Variants in LUC7L2 observed in about 807,000 individuals in gnomAD.
The protein encoded by LUC7L2 is putative RNA-binding protein Luc7-like 2.
A neutral mutation model predicts 52.8 loss-of-function variants in LUC7L2; 25 were observed. The observed-to-expected ratio is 0.47, with a 90% CI of 0.34 to 0.66. The LOEUF (loss-of-function observed/expected upper bound fraction) is 0.66, where lower values mean the gene tolerates loss of function less well. LUC7L2 is among the 30% of genes least tolerant of loss of function. The probability of loss-of-function intolerance (pLI) is 0.01; values close to 1 mark genes in which losing one functional copy is unlikely to be tolerated. For synonymous variants in LUC7L2, 144 were observed against 160.9 expected (o/e 0.89, Z 0.80); for missense variants, 328 against 497.8 (o/e 0.66, Z 3.25).
intron 4 of LUC7L2, 26 bp from the exon 5 acceptor site, chr7:139,405,618 T>C (rs1389487840): frequency 1.9e-6 from 3 of 1,570,232 alleles, no homozygotes; most frequent in Non-Finnish European, 1.7e-6. Context: ...TGTTTATTCA[T>C]GATCTTCTTT....
Position 139,398,700 on chromosome 7 carries a change from ATG to A in LUC7L2, c.255+6_255+7del, listed in dbSNP as rs1162605176. On this transcript the variant is annotated splice_donor_5th_base_variant and intron_variant, in intron 3 of 9. Coordinates refer to ENST00000354926, the MANE Select transcript of LUC7L2 (RefSeq NM_016019.5). ...AAGATTTTTTCTTTGAACTTGATGT[ATG>A]TGATTTTGCTTTAATGGTTTGTTGT... 6.2e-7 allele frequency: 1 copy of A among 1,608,828 alleles called. No homozygotes were observed. The highest frequency in any genetic ancestry group is 8.5e-7 in the Non-Finnish European group (1 of 1,178,452).
At chr7:139,341,187 G>GT (rs879012106) in intron 1 of LUC7L2, 11 of 938,104 alleles carry the variant, frequency 1.2e-5, no homozygotes, top group South Asian at 8.8e-5. Context: ...GTCGGGTTTC[G>GT]TTTGATTTTG....
At chr7:139,393,823 CAG>C (rs1794548797) in intron 2 of LUC7L2, among the ~76,000 whole-genome samples, 2 of 152,122 alleles carry the variant, frequency 1.3e-5, no homozygotes, top group Non-Finnish European at 1.5e-5. Flanking sequence ...ATGGTATGGA[CAG>C]AGGAATATAG....
chr7:139,357,212 A>G (rs1453522151), upstream of LUC7L2, among the ~76,000 whole-genome samples: 6 of 152,220 alleles, frequency 3.9e-5, no homozygotes, highest in Non-Finnish European at 7.4e-5. Context: ...AAAATCAGGC[A>G]GGAAAGGAGA....
chr7:139,376,420 T>C (rs966955559), intron 2 of LUC7L2, among the ~76,000 whole-genome samples: 1 of 152,244 alleles, frequency 6.6e-6, no homozygotes, highest in Non-Finnish European at 1.5e-5. Context: ...GAAGTAGTTA[T>C]ATAGCATTTG....
chr7:139,364,934 A>T (rs548449636), intron 1 of LUC7L2, among the ~76,000 whole-genome samples: 1 of 152,250 alleles, frequency 6.6e-6, no homozygotes, highest in South Asian at 2.1e-4. Context: ...TGGATTGTTC[A>T]TTTTAAGTGA....
intron 5 of LUC7L2, among the ~76,000 whole-genome samples, 180 bp from the exon 6 acceptor site, chr7:139,406,993 CT>C (rs1250221361): frequency 1.2e-5 from 1 of 83,762 alleles, no homozygotes; most frequent in Non-Finnish European, 2.0e-5. Flanking sequence ...AATAGCCATG[CT>C]TTTGTGGTTT....
At chr7:139,373,821 C>G (rs1267705711) in intron 1 of LUC7L2, among the ~76,000 whole-genome samples, 1 of 152,198 alleles carries the variant, frequency 6.6e-6, no homozygotes, top group Non-Finnish European at 1.5e-5. Flanking sequence ...ATTAGTTTAA[C>G]AAAGCACTGA....
At chr7:139,350,843 A>ATT (rs1357457714) in intron 1 of LUC7L2, among the ~76,000 whole-genome samples, 1 of 151,500 alleles carries the variant, frequency 6.6e-6, no homozygotes, top group African/African-American at 2.4e-5. Flanking sequence ...CGCCTGGCTA[A>ATT]TTTTGTATTT....
At chr7:139,370,467 G>A (rs1225863116) in intron 1 of LUC7L2, among the ~76,000 whole-genome samples, 1 of 152,086 alleles carries the variant, frequency 6.6e-6, no homozygotes, top group Non-Finnish European at 1.5e-5. Context: ...TTTTTTGTTT[G>A]TTTGGTTTGA....
Position 139,375,953 on chromosome 7 carries a change from T to G in LUC7L2, c.62-109T>G. 7.1e-6 allele frequency: 8 copies of G among 1,125,122 alleles called. No homozygotes were observed. In the South Asian group the frequency reaches 1.2e-4, roughly 17 times the overall value. 69.7% of individuals were successfully genotyped at this position (1,125,122 alleles called of 1,614,324 possible). On this transcript the variant is annotated intron_variant, in intron 1 of 9. Transcript: ENST00000354926. Reference sequence around the variant, plus strand: ...AAAAACTAATCCCTCTTGAGCTGATTTATAATGTGTGTATATAGCCACACA... The same window carrying G: ...AAAAACTAATCCCTCTTGAGCTGATGTATAATGTGTGTATATAGCCACACA...
In LUC7L2 at chr7:139,402,259, A is replaced by G; in HGVS notation, c.366+12A>G. The G allele has an allele frequency of 6.3e-7, 1 of 1,583,020 alleles. No individual in the cohort carries two copies. The highest frequency in any genetic ancestry group is 8.6e-7 in the Non-Finnish European group (1 of 1,169,318). On this transcript the variant is annotated intron_variant, in intron 4 of 9. Transcript: ENST00000354926. ...AAGTAGCAGCAAAGGTAAGAATTTT[A>G]ATCATTTCATTAGTACAAAGTATTA... is the stretch of plus-strand genomic sequence containing the variant.
intron 5 of LUC7L2, among the ~76,000 whole-genome samples, chr7:139,406,818 GTTTTA>G (rs1383946396): frequency 1.3e-5 from 2 of 151,908 alleles, no homozygotes; most frequent in African/African-American, 4.8e-5. Context: ...TAGCTGGTCA[GTTTTA>G]TTTTGTTTTT....
At chr7:139,406,713 C>A (rs1016142605) in intron 5 of LUC7L2, among the ~76,000 whole-genome samples, 1 of 151,944 alleles carries the variant, frequency 6.6e-6, no homozygotes, top group Non-Finnish European at 1.5e-5. Flanking sequence ...TTCAGAAAAT[C>A]TCTCTAAGTT....
chr7:139,423,137 TGAAA>T lies in LUC7L2; in HGVS notation c.*802_*805del, dbSNP rs746573066. 8 of 398,880 alleles carry T rather than the reference TGAAA, an allele frequency of 2.0e-5. No homozygotes were observed. The highest frequency in any genetic ancestry group is 6.2e-5 in the African/African-American group (3 of 48,616). 24.7% of individuals were successfully genotyped at this position (398,880 alleles called of 1,614,324 possible). On this transcript the variant is annotated 3_prime_UTR_variant, in exon 10 of 10. Coordinates refer to ENST00000354926, the MANE Select transcript of LUC7L2 (RefSeq NM_016019.5). ...TTGTAAAAAAATAATAATAATAAAA[TGAAA>T]GAAACAATCACCACCACCATTATTA...
intron 2 of LUC7L2, among the ~76,000 whole-genome samples, chr7:139,390,247 CTTATTTTTTTTT>C (rs1300062742): frequency 6.7e-6 from 1 of 149,828 alleles, no homozygotes. Context: ...CTCTTTTTTT[CTTATTTTTTTTT>C]TTATTTTTAT....
intron 2 of LUC7L2, among the ~76,000 whole-genome samples, chr7:139,381,562 A>G (rs1801022614): frequency 6.6e-6 from 1 of 150,724 alleles, no homozygotes; most frequent in Admixed American, 6.6e-5. Flanking sequence ...AATGTGCGCC[A>G]CTAGGCTCGG....
chr7:139,372,812 C>A (rs1419972426), intron 1 of LUC7L2, among the ~76,000 whole-genome samples: 1 of 152,042 alleles, frequency 6.6e-6, no homozygotes, highest in East Asian at 1.9e-4. Flanking sequence ...TTAATATGTC[C>A]TATTTCTTTA....
intron 2 of LUC7L2, among the ~76,000 whole-genome samples, chr7:139,396,206 A>C (rs1219135889): frequency 6.6e-6 from 1 of 151,988 alleles, no homozygotes; most frequent in East Asian, 1.9e-4. Context: ...GGGAGGCTGA[A>C]GTGGGAGGAT....
Sources: allele counts gnomAD v4.1 joint callset (sites outside exome capture counted in the v4.1 genomes callset), GRCh38; gene constraint gnomAD v4.1.1; transcripts MANE v1.5; gene names NCBI Gene and HGNC (gene_info 2026-07-23, HGNC 2026-07-21).